Variants in TNFSF11 observed in about 807,000 individuals in gnomAD.
The protein encoded by TNFSF11 is tumor necrosis factor ligand superfamily member 11.
In TNFSF11, 12 loss-of-function variants were observed where a neutral mutation model predicts 32.2. The observed-to-expected ratio is 0.37, with a 90% CI of 0.24 to 0.60. The LOEUF (loss-of-function observed/expected upper bound fraction) is 0.60. TNFSF11 is among the 20% of genes least tolerant of loss of function. The pLI, the probability that TNFSF11 is intolerant of heterozygous loss-of-function variation, is 0.66. For missense variants in TNFSF11, 345 were observed against 398.0 expected, an observed-to-expected ratio of 0.87 and a Z score of 1.13; for synonymous variants, 172 against 152.1, an observed-to-expected ratio of 1.13 and a Z score of -0.96.
chr13:42,574,586 A>C (rs1305430518), intron 1 of TNFSF11, 64 bp downstream of exon 1: 22 of 1,561,972 alleles, frequency 1.4e-5, no homozygotes, highest in Non-Finnish European at 1.9e-5. Flanking sequence ...CCGCACTTGG[A>C]AACTGAGTCT....
intron 2 of TNFSF11, among the ~76,000 whole-genome samples, chr13:42,568,398 A>T (rs1369065762): frequency 6.6e-6 from 1 of 152,234 alleles, no homozygotes; most frequent in African/African-American, 2.4e-5. Flanking sequence ...TTCTAAATTT[A>T]TTAATTGTGT....
Position 42,599,030 on chromosome 13 carries a change from C to T in TNFSF11, c.388-1722C>T, listed in dbSNP as rs535475517. Among the ~76,000 whole-genome samples the T allele has an allele frequency of 6.7e-4, 102 of 152,270 alleles. 2 individuals are homozygous for T. Among genetic ancestry groups the T allele is most frequent in the Admixed American group, 2.0e-3 (31 of 15,302 alleles). On this transcript the variant is annotated intron_variant, in intron 2 of 4. Transcript: ENST00000398795. The stretch of plus-strand genomic sequence containing the variant: ...TGTGCCTAAATACCCGCCCTGCACA[C>T]GGCACTCCCAGAGCTGTGCAGTGTA...
upstream of TNFSF11, chr13:42,571,767 T>C (rs1873077544): frequency 6.6e-6 from 1 of 152,244 alleles, no homozygotes; most frequent in Non-Finnish European, 1.5e-5. Context: ...CTTTTGCTTT[T>C]AGAAGAAAAT....
At position 42,596,125 on chromosome 13, in the gene TNFSF11, G is replaced by A. The variant is rs1410794382; in HGVS notation, c.388-4627G>A. Reference sequence around the variant, plus strand: ...TTGGCATGTGCATAGCAAGGTCTCTGATCTTTGAGAAGATGGCAACATGGA... The same window carrying A: ...TTGGCATGTGCATAGCAAGGTCTCTAATCTTTGAGAAGATGGCAACATGGA... On this transcript the variant is annotated intron_variant, in intron 2 of 4. Transcript: ENST00000398795. Among the ~76,000 whole-genome samples, 3 of 152,328 alleles carry A rather than the reference G, an allele frequency of 2.0e-5. No homozygotes were observed. The East Asian group carries it at 5.8e-4, about 29-fold the overall frequency.
chr13:42,606,430 A>G (rs1869455160), intron 4 of TNFSF11, 67 bp from the exon 5 acceptor site: 1 of 1,592,640 alleles, frequency 6.3e-7, no homozygotes, highest in East Asian at 2.2e-5. Context: ...CTAACCTCAT[A>G]GAATTGTGAA....
intron 1 of TNFSF11, among the ~76,000 whole-genome samples, chr13:42,576,572 G>A (rs1308324625): frequency 6.6e-6 from 1 of 152,068 alleles, no homozygotes; most frequent in African/African-American, 2.4e-5. Context: ...CGGTTCCTTT[G>A]ACTTGTGCAA....
At chr13:42,588,850 G>A (rs1288826633) in intron 2 of TNFSF11, among the ~76,000 whole-genome samples, 2 of 152,138 alleles carry the variant, frequency 1.3e-5, no homozygotes, top group South Asian at 2.1e-4. Context: ...TGAAGCCTGT[G>A]TGGTATGAAA....
At chr13:42,578,529 TA>T (rs1256176591) in intron 1 of TNFSF11, among the ~76,000 whole-genome samples, 1 of 152,232 alleles carries the variant, frequency 6.6e-6, no homozygotes, top group Non-Finnish European at 1.5e-5. Context: ...GTAAACAAAA[TA>T]AATGAGTATA....
upstream of TNFSF11, among the ~76,000 whole-genome samples, chr13:42,569,537 C>A (rs186325421): frequency 1.0e-3 from 113 of 108,128 alleles, no homozygotes; most frequent in South Asian, 3.4e-3. Context: ...TACAGAGCAA[C>A]ACTCTGTCTC....
intron 2 of TNFSF11, among the ~76,000 whole-genome samples, chr13:42,584,655 A>G (rs1873796388): frequency 6.6e-6 from 1 of 152,234 alleles, no homozygotes; most frequent in African/African-American, 2.4e-5. Context: ...AACACTAATA[A>G]TGAGCGATTC....
chr13:42,605,195 C>G (rs1282385279), intron 4 of TNFSF11, among the ~76,000 whole-genome samples: 1 of 152,178 alleles, frequency 6.6e-6, no homozygotes, highest in Non-Finnish European at 1.5e-5. Flanking sequence ...GCTAATTTAT[C>G]TCCCTCAGCA....
chr13:42,565,879 T>A (rs1156248135), intron 1 of TNFSF11, among the ~76,000 whole-genome samples: 2 of 152,024 alleles, frequency 1.3e-5, no homozygotes, highest in Non-Finnish European at 2.9e-5. Flanking sequence ...AGGCAGGAAA[T>A]GATGAGAGGC....
chr13:42,576,903 T>G (rs1460178491), intron 1 of TNFSF11, among the ~76,000 whole-genome samples: 1 of 152,264 alleles, frequency 6.6e-6, no homozygotes, highest in Non-Finnish European at 1.5e-5. Context: ...AGGGGTTCAC[T>G]CTGTAATTCT....
chr13:42,596,751 G>A lies in TNFSF11; in HGVS notation c.388-4001G>A, dbSNP rs189419396. ...TATATATGCAAGTCATGAGACTATA[G>A]TAAACCCTTAACTAAATTGAGATGT... On this transcript the variant is annotated intron_variant, in intron 2 of 4. Coordinates refer to ENST00000398795, the MANE Select transcript of TNFSF11 (RefSeq NM_003701.4). Among the ~76,000 whole-genome samples the A allele has an allele frequency of 3.0e-4, 45 of 152,326 alleles. No homozygotes were observed. In the East Asian group the frequency reaches 3.9e-3, roughly 13 times the overall value.
intron 1 of TNFSF11, among the ~76,000 whole-genome samples, chr13:42,580,851 T>C (rs761654779): frequency 6.6e-6 from 1 of 152,182 alleles, no homozygotes; most frequent in Non-Finnish European, 1.5e-5. Context: ...GTTTGACAAT[T>C]TCCCCCATGA....
intron 2 of TNFSF11, among the ~76,000 whole-genome samples, chr13:42,582,682 C>G (rs1039860656): frequency 6.6e-6 from 1 of 152,146 alleles, no homozygotes; most frequent in Non-Finnish European, 1.5e-5. Context: ...TTTGGCTTCA[C>G]GCAGAATAGA....
upstream of TNFSF11, among the ~76,000 whole-genome samples, chr13:42,573,511 G>A (rs894642928): frequency 2.6e-5 from 4 of 152,098 alleles, no homozygotes; most frequent in Middle Eastern, 3.2e-3. Flanking sequence ...CTGGCTACAC[G>A]CCCCTTTACC....
rs1872736549 is a variant in TNFSF11 at position 42,563,204 on chromosome 13, TAA to T, written c.-302+243_-302+244del. 5.3e-5 allele frequency among the ~76,000 whole-genome samples: 8 copies of T among 152,304 alleles called. No individual in the cohort carries two copies. The South Asian group carries it at 1.7e-3, about 32-fold the overall frequency. On this transcript the variant is annotated intron_variant, in intron 1 of 6. Transcript: ENST00000358545. ...CCACAGCAGGCTCCCCTTCCCATGG[TAA>T]AGTTTTCAGACTGAAAGTTCTGAAT...
chr13:42,573,646 G>A (rs1229104804), upstream of TNFSF11, among the ~76,000 whole-genome samples: 1 of 152,170 alleles, frequency 6.6e-6, no homozygotes. Flanking sequence ...GATTTGGGAA[G>A]GGGATTGTGA....
Sources: gnomAD v4.1 joint callset for allele counts (sites outside exome capture counted in the v4.1 genomes callset) on GRCh38, gnomAD v4.1.1 for gene constraint, MANE v1.5 for transcripts, NCBI Gene and HGNC (gene_info 2026-07-23, HGNC 2026-07-21) for gene names.